GDAP1: variants seen among roughly 807,000 people sequenced by gnomAD.
The protein encoded by GDAP1 is ganglioside induced differentiation associated protein 1.
In GDAP1, 34 loss-of-function variants were observed where a neutral mutation model predicts 40.1. That is an observed-to-expected ratio of 0.85 (90% CI 0.64 to 1.13). The LOEUF is 1.13. Ranked by LOEUF, GDAP1 falls within the 50% of genes most tolerant of loss-of-function variation. GDAP1 has a pLI of 0.00. For missense variants in GDAP1, 374 were observed against 433.7 expected (o/e 0.86, Z 1.22); for synonymous variants, 170 against 157.4 (o/e 1.08, Z -0.60).
intron 2 of GDAP1, among the ~76,000 whole-genome samples, chr8:74,458,801 G>A (rs867726338): frequency 1.1e-4 from 16 of 152,018 alleles, no homozygotes; most frequent in South Asian, 4.2e-4. Flanking sequence ...GGATTAGAGC[G>A]GCCCCCAGTC....
chr8:74,360,737 C>T, intron 3 of GDAP1, among the ~76,000 whole-genome samples: 1 of 152,220 alleles, frequency 6.6e-6, no homozygotes, highest in East Asian at 1.9e-4. Context: ...GGGTGTCTAA[C>T]TATTACTCTG....
intron 3 of GDAP1, among the ~76,000 whole-genome samples, chr8:74,361,133 C>T (rs1343003769): frequency 6.6e-6 from 1 of 151,936 alleles, no homozygotes; most frequent in African/African-American, 2.4e-5. Flanking sequence ...GCTTCTCTTT[C>T]CTCTTATTCC....
chr8:74,418,124 T>G (rs946987806), intron 2 of GDAP1, among the ~76,000 whole-genome samples: 2 of 152,222 alleles, frequency 1.3e-5, no homozygotes, highest in Non-Finnish European at 2.9e-5. Flanking sequence ...AACTGATTTG[T>G]ACATTTAATG....
chr8:74,388,460 G>T (rs79849364), intron 2 of GDAP1, among the ~76,000 whole-genome samples: 1 of 152,116 alleles, frequency 6.6e-6, no homozygotes, highest in Non-Finnish European at 1.5e-5. Context: ...TCAGGAGAAG[G>T]TTGTTCAGTT....
At chr8:74,352,747 T>G (rs1237108921) in intron 2 of GDAP1, among the ~76,000 whole-genome samples, 2 of 152,228 alleles carry the variant, frequency 1.3e-5, no homozygotes, top group African/African-American at 4.8e-5. Flanking sequence ...AAATGACAAC[T>G]AGTTCATTTA....
rs73345374 is a variant in GDAP1, at chr8:74,353,634, T to C, written c.310+2168T>C. Reference sequence around the variant, plus strand: ...GAATTCTACCAACCCTTGCTACTAATTGTATGTTCCATTCATCAGCAGCAT... The same window carrying C: ...GAATTCTACCAACCCTTGCTACTAACTGTATGTTCCATTCATCAGCAGCAT... On this transcript the variant is annotated intron_variant, in intron 2 of 5. Coordinates refer to ENST00000220822, the MANE Select transcript of GDAP1 (RefSeq NM_018972.4). Among the ~76,000 whole-genome samples, 669 of 152,312 alleles carry C rather than the reference T, an allele frequency of 4.4e-3. 6 individuals carry two copies. Among genetic ancestry groups the C allele is most frequent in the African/African-American group, 0.015 (634 of 41,566 alleles).
At chr8:74,405,758 C>T (rs1347578046) in intron 2 of GDAP1, among the ~76,000 whole-genome samples, 1 of 149,886 alleles carries the variant, frequency 6.7e-6, no homozygotes, top group Non-Finnish European at 1.5e-5. Flanking sequence ...ACAGTAACTC[C>T]TGACATTGAG....
At chr8:74,369,967 C>T (rs761945177), downstream of GDAP1, among the ~76,000 whole-genome samples, 7 of 152,056 alleles carry the variant, frequency 4.6e-5, no homozygotes, top group Admixed American at 6.5e-5. Context: ...ATTTTATATC[C>T]AGAGAAAATA....
chr8:74,422,904 C>T (rs1332329199), intron 2 of GDAP1, among the ~76,000 whole-genome samples: 2 of 151,430 alleles, frequency 1.3e-5, no homozygotes, highest in African/African-American at 4.8e-5. Context: ...GCATATGTGT[C>T]TAGAAATGTA....
At chr8:74,357,030 T>A (rs1393270043) in intron 2 of GDAP1, among the ~76,000 whole-genome samples, 5 of 152,076 alleles carry the variant, frequency 3.3e-5, no homozygotes, top group Non-Finnish European at 7.4e-5. Context: ...TTGAATTTTT[T>A]AAAAATAGCC....
downstream of GDAP1, among the ~76,000 whole-genome samples, chr8:74,371,806 G>C (rs1809757535): frequency 6.6e-6 from 1 of 151,704 alleles, no homozygotes; most frequent in African/African-American, 2.4e-5. Context: ...TAAGTTCTAG[G>C]GTACATGTGC....
chr8:74,486,732 G>C (rs1254598263), intron 2 of GDAP1, among the ~76,000 whole-genome samples: 1 of 152,098 alleles, frequency 6.6e-6, no homozygotes, highest in Non-Finnish European at 1.5e-5. Context: ...AGCTAAGAAG[G>C]CCCCATGATA....
In GDAP1 at chr8:74,403,914, C is replaced by A. The variant is rs190389670; in HGVS notation, c.165+52593C>A. 3.3e-3 allele frequency among the ~76,000 whole-genome samples: 498 copies of A among 150,100 alleles called. 53 individuals carry two copies. Among genetic ancestry groups the A allele is most frequent in the African/African-American group, 0.012 (479 of 39,494 alleles). On this transcript the variant is annotated intron_variant, in intron 2 of 2. Transcript: ENST00000523640. Reference sequence around the variant, plus strand: ...TATCTGCAAAGTTTTGTCTTTTATTCTCTTTGTTGAGCAAAATGTGTGAAT... The same window carrying A: ...TATCTGCAAAGTTTTGTCTTTTATTATCTTTGTTGAGCAAAATGTGTGAAT...
In GDAP1 at chr8:74,402,696, G is replaced by A. The variant is rs930262147; in HGVS notation, c.165+51375G>A. The stretch of plus-strand genomic sequence containing the variant: ...GAGCTATTCCTATTCGGCCATCTTG[G>A]CTCCTTCCCCAAAGCTTTTAATTTT... On this transcript the variant is annotated intron_variant, in intron 2 of 2. Transcript: ENST00000523640. Among the ~76,000 whole-genome samples the A allele has an allele frequency of 2.7e-5, 4 of 150,078 alleles. 1 individual carries two copies. The highest frequency in any genetic ancestry group is 1.0e-4 in the African/African-American group (4 of 39,416).
At chr8:74,422,117 T>G (rs1304865024) in intron 2 of GDAP1, among the ~76,000 whole-genome samples, 1 of 152,012 alleles carries the variant, frequency 6.6e-6, no homozygotes, top group Non-Finnish European at 1.5e-5. Context: ...ATTAGCCTTT[T>G]CTTTCTTGCT....
chr8:74,487,671 A>T (rs1806792808), intron 2 of GDAP1, among the ~76,000 whole-genome samples: 1 of 152,166 alleles, frequency 6.6e-6, no homozygotes, highest in African/African-American at 2.4e-5. Flanking sequence ...TAATGTAGAT[A>T]TGAACAATTT....
At chr8:74,363,244 T>C (rs1040936430) in intron 5 of GDAP1, among the ~76,000 whole-genome samples, 191 bp downstream of exon 5, 1 of 152,242 alleles carries the variant, frequency 6.6e-6, no homozygotes, top group Non-Finnish European at 1.5e-5. Flanking sequence ...TCAATCTGCA[T>C]CTACGTGAAG....
In GDAP1 at chr8:74,423,891, G is replaced by A. The variant is rs567511353; in HGVS notation, c.166-64787G>A. Among the ~76,000 whole-genome samples the A allele has an allele frequency of 9.2e-5, 14 of 152,212 alleles. No homozygotes were observed. The South Asian group carries it at 2.9e-3, about 32-fold the overall frequency. On this transcript the variant is annotated intron_variant, in intron 2 of 2. Coordinates refer to the GDAP1 transcript ENST00000523640. Reference sequence around the variant, plus strand: ...AAAAACCTTCTTGGGAAGAGAAGGGGAAGTTCCCTGGGTACTCATCGTTTG... The same window carrying A: ...AAAAACCTTCTTGGGAAGAGAAGGGAAAGTTCCCTGGGTACTCATCGTTTG...
At chr8:74,450,938 C>T (rs1806292713) in intron 2 of GDAP1, among the ~76,000 whole-genome samples, 2 of 79,766 alleles carry the variant, frequency 2.5e-5, no homozygotes, top group Non-Finnish European at 5.0e-5. Context: ...ATCTATCTAT[C>T]AAATTTGCAT....
Sources: gnomAD v4.1 joint callset for allele counts (sites outside exome capture counted in the v4.1 genomes callset) on GRCh38, gnomAD v4.1.1 for gene constraint, MANE v1.5 for transcripts, NCBI Gene and HGNC (gene_info 2026-07-23, HGNC 2026-07-21) for gene names.